The following PCSK2 variants were observed in gnomAD, a reference collection of about 807,000 sequenced individuals.
PCSK2 encodes proprotein convertase subtilisin/kexin type 2.
A neutral mutation model predicts 69.7 loss-of-function variants in PCSK2; 14 were observed. The ratio of observed to expected loss-of-function variants is 0.20; its 90% CI spans 0.13 to 0.31. PCSK2 has a LOEUF of 0.31. PCSK2 is among the 10% of genes least tolerant of loss of function. PCSK2 has a pLI of 1.00. For missense variants in PCSK2, 544 were observed against 842.5 expected, an observed-to-expected ratio of 0.65 and a Z score of 4.39; for synonymous variants, 307 against 320.7, an observed-to-expected ratio of 0.96 and a Z score of 0.46.
intron 5 of PCSK2, among the ~76,000 whole-genome samples, chr20:17,384,760 C>A (rs1300740686): frequency 6.6e-6 from 1 of 152,134 alleles, no homozygotes; most frequent in Non-Finnish European, 1.5e-5. Context: ...TGGCAACACC[C>A]TGTCGCTACA....
At chr20:17,431,592 T>A (rs1244899897) in intron 7 of PCSK2, among the ~76,000 whole-genome samples, 1 of 152,128 alleles carries the variant, frequency 6.6e-6, no homozygotes, top group Non-Finnish European at 1.5e-5. Flanking sequence ...CCTTTCTTTC[T>A]TTTCCCACTC....
intron 6 of PCSK2, among the ~76,000 whole-genome samples, chr20:17,420,929 G>A (rs1002089242): frequency 6.6e-6 from 1 of 152,180 alleles, no homozygotes; most frequent in Non-Finnish European, 1.5e-5. Flanking sequence ...ACAACCAATA[G>A]AGTTGTGAAA....
At chr20:17,413,551 C>A (rs1451922764) in intron 6 of PCSK2, among the ~76,000 whole-genome samples, 1 of 152,310 alleles carries the variant, frequency 6.6e-6, no homozygotes, top group East Asian at 1.9e-4. Context: ...TAGAGACCTA[C>A]AAAGAGACTT....
At chr20:17,370,315 G>T (rs2030720609) in intron 5 of PCSK2, among the ~76,000 whole-genome samples, 1 of 152,198 alleles carries the variant, frequency 6.6e-6, no homozygotes, top group Non-Finnish European at 1.5e-5. Context: ...TGGGTCATTT[G>T]TCCTGGAAGG....
intron 11 of PCSK2, among the ~76,000 whole-genome samples, chr20:17,477,529 T>C (rs2033313837): frequency 6.6e-6 from 1 of 152,106 alleles, no homozygotes; most frequent in Non-Finnish European, 1.5e-5. Flanking sequence ...GCCAGCAGCA[T>C]AAAGAAACAT....
intron 2 of PCSK2, among the ~76,000 whole-genome samples, chr20:17,274,998 G>A (rs759073769): frequency 1.1e-4 from 16 of 150,858 alleles, no homozygotes; most frequent in African/African-American, 2.7e-4. Flanking sequence ...TATTTAACTC[G>A]TAAACTTGTC....
At chr20:17,376,242 C>T (rs543579307) in intron 5 of PCSK2, among the ~76,000 whole-genome samples, 1 of 152,180 alleles carries the variant, frequency 6.6e-6, no homozygotes. Context: ...CTCAGCCAAC[C>T]CACAGAAACA....
chr20:17,234,927 A>T (rs1218541928), intron 1 of PCSK2, among the ~76,000 whole-genome samples: 1 of 151,718 alleles, frequency 6.6e-6, no homozygotes. Context: ...ATTATTTGAG[A>T]TACAAATAAT....
At chr20:17,447,082 G>A (rs2300926) in intron 8 of PCSK2, among the ~76,000 whole-genome samples, 100,131 of 151,072 alleles carry the variant, frequency 0.66, 33,516 homozygotes, top group African/African-American at 0.75. Flanking sequence ...GTGAAACTCC[G>A]TCATCTCTAC....
chr20:17,287,901 C>A (rs1988572977), intron 2 of PCSK2, among the ~76,000 whole-genome samples: 2 of 152,152 alleles, frequency 1.3e-5, no homozygotes, highest in Non-Finnish European at 2.9e-5. Flanking sequence ...GTTGCCCTTG[C>A]CTAACACCTG....
intron 6 of PCSK2, among the ~76,000 whole-genome samples, chr20:17,409,883 C>T (rs970256236): frequency 6.6e-6 from 1 of 152,148 alleles, no homozygotes; most frequent in Non-Finnish European, 1.5e-5. Context: ...TTTCCTTCAG[C>T]TTGTTTTGCC....
At chr20:17,342,147 C>T (rs1308746170) in intron 2 of PCSK2, among the ~76,000 whole-genome samples, 10 of 151,248 alleles carry the variant, frequency 6.6e-5, no homozygotes, top group African/African-American at 2.4e-4. Context: ...GTGTGTCACA[C>T]CCAGCACCAG....
At chr20:17,338,868 G>T (rs555999167) in intron 2 of PCSK2, among the ~76,000 whole-genome samples, 3 of 152,154 alleles carry the variant, frequency 2.0e-5, no homozygotes, top group Non-Finnish European at 2.9e-5. Context: ...ACACTAGTGC[G>T]ATGGGTGAGT....
intron 6 of PCSK2, among the ~76,000 whole-genome samples, chr20:17,427,687 C>CT (rs1406365648): frequency 6.6e-6 from 1 of 152,212 alleles, no homozygotes; most frequent in Non-Finnish European, 1.5e-5. Flanking sequence ...CTGGACCAGG[C>CT]TAGGCTTGTC....
intron 5 of PCSK2, among the ~76,000 whole-genome samples, chr20:17,403,798 G>A (rs912038479): frequency 2.6e-5 from 4 of 152,198 alleles, no homozygotes; most frequent in African/African-American, 9.7e-5. Flanking sequence ...TATTTAAGAT[G>A]TTATTCAAGT....
intron 5 of PCSK2, among the ~76,000 whole-genome samples, chr20:17,395,460 C>G (rs1169442044): frequency 6.6e-6 from 1 of 152,078 alleles, no homozygotes; most frequent in Admixed American, 6.6e-5. Context: ...CTGCAGATGT[C>G]ATGCAGTGCA....
chr20:17,344,222 A>G (rs1018931076), intron 2 of PCSK2, among the ~76,000 whole-genome samples: 3 of 152,206 alleles, frequency 2.0e-5, no homozygotes, highest in Admixed American at 2.0e-4. Flanking sequence ...TCTGACCTTT[A>G]TTCCCTGTTG....
At chr20:17,479,060 G>T (rs2033342429) in intron 11 of PCSK2, 6 of 1,205,586 alleles carry the variant, frequency 5.0e-6, no homozygotes, top group Non-Finnish European at 6.1e-6. Context: ...TAAGTTAATG[G>T]CTTTAACCCA....
At chr20:17,264,374 A>G (rs569379083) in intron 2 of PCSK2, among the ~76,000 whole-genome samples, 10 of 152,354 alleles carry the variant, frequency 6.6e-5, no homozygotes, top group Admixed American at 6.5e-4. Context: ...TTTACAAGTC[A>G]GAAACTTCTA....
Sources: gnomAD v4.1 joint callset for allele counts (sites outside exome capture counted in the v4.1 genomes callset) on GRCh38, gnomAD v4.1.1 for gene constraint, MANE v1.5 for transcripts, NCBI Gene and HGNC (gene_info 2026-07-23, HGNC 2026-07-21) for gene names.